The following LRIG2 variants were observed in gnomAD, a reference collection of about 807,000 sequenced individuals.
LRIG2 encodes the protein leucine rich repeats and immunoglobulin like domains 2, also known as leucine-rich repeats and immunoglobulin-like domains protein 2.
In LRIG2, 93 loss-of-function variants were observed where a neutral mutation model predicts 107.8. The observed-to-expected ratio is 0.86, with a 90% confidence interval of 0.73 to 1.03. LRIG2 has a LOEUF of 1.03. LRIG2 is among the 50% of genes least tolerant of loss of function. The pLI is 0.00. For missense variants in LRIG2, 1,226 were observed against 1,296.0 expected (o/e 0.95, Z 0.83); for synonymous variants, 471 against 470.6 (o/e 1.00, Z -0.01).
chr1:113,102,823 T>C (rs1654363079), intron 11 of LRIG2, among the ~76,000 whole-genome samples: 1 of 152,024 alleles, frequency 6.6e-6, no homozygotes, highest in Admixed American at 6.6e-5. Flanking sequence ...TGGCACAGAG[T>C]AGAAGCTGAG....
rs964251462 is a variant in LRIG2, at chr1:113,073,260, T to G, written c.-147T>G. 8 of 699,272 alleles carry G rather than the reference T, an allele frequency of 1.1e-5. No homozygotes were observed. The African/African-American group carries it at 1.2e-4, about 11-fold the overall frequency. 43.3% of individuals were successfully genotyped at this position (699,272 alleles called of 1,614,324 possible). A position where few individuals can be genotyped will look rare whatever the true frequency, so the allele number is the denominator to read the frequency against. On this transcript the variant is annotated 5_prime_UTR_variant, in exon 1 of 18. Transcript: ENST00000361127. ...GTCGACCCCGCTGTCGCGCTGCGTC[T>G]GCTCCTTGCATGCCTTTAGATGGTA...
intron 17 of LRIG2, among the ~76,000 whole-genome samples, chr1:113,120,305 C>G (rs898994017): frequency 1.3e-5 from 2 of 151,456 alleles, no homozygotes; most frequent in African/African-American, 2.4e-5. Context: ...CAAAAATTAG[C>G]CTAACATGGT....
chr1:113,116,291 G>T lies in LRIG2; in HGVS notation c.2535G>T (p.Glu845Asp), dbSNP rs41312692. ...NEDYSITNTEELNLPADIPSY... is the reference protein window; with the variant it reads ...NEDYSITNTEDLNLPADIPSY... ...TTAAAAATGTCTCTTTTACAGAGGA[G>T]CTCAATCTGCCTGCAGACATTCCCA... is the stretch of plus-strand genomic sequence containing the variant. Residue 845 changes from glutamate to aspartate, a missense_variant, in exon 16 of 18, where the codon GAG (glutamate) becomes GAT (aspartate). By Grantham distance (45) the Glu-to-Asp change is conservative. Coordinates refer to ENST00000361127, the MANE Select transcript of LRIG2 (RefSeq NM_014813.3). 3.0e-5 allele frequency: 48 copies of T among 1,611,870 alleles called. No individual in the cohort carries two copies. The highest frequency in any genetic ancestry group is 4.1e-5 in the Non-Finnish European group (48 of 1,178,792).
intron 13 of LRIG2, 47 bp from the exon 14 acceptor site, chr1:113,112,432 T>C: frequency 1.3e-6 from 2 of 1,564,380 alleles, no homozygotes. Flanking sequence ...CATATATGTG[T>C]CTTTGTTCCC....
chr1:113,104,710 C>T (rs544647888), intron 11 of LRIG2, among the ~76,000 whole-genome samples: 1 of 152,098 alleles, frequency 6.6e-6, no homozygotes, highest in East Asian at 1.9e-4. Context: ...AGAGGAGTGA[C>T]CTCATCCAAT....
chr1:113,073,676 A>C, intron 1 of LRIG2, 31 bp downstream of exon 1: 3 of 1,582,690 alleles, frequency 1.9e-6, no homozygotes, highest in Non-Finnish European at 2.6e-6. Context: ...GAGTGACCAA[A>C]AGGAGGGGGA....
At chr1:113,118,513 G>A (rs1655110301) in intron 16 of LRIG2, among the ~76,000 whole-genome samples, 1 of 152,194 alleles carries the variant, frequency 6.6e-6, no homozygotes, top group South Asian at 2.1e-4. Flanking sequence ...CCAAGCATGT[G>A]TCTTGTAGCA....
In LRIG2 at chr1:113,112,726, A is replaced by T. The variant is rs181557221; in HGVS notation, c.2046A>T (p.Gly682=). ...IYSCMAQNTA[G]GLSANASLTV... Reference sequence around the variant, plus strand: ...GCTGCATGGCACAAAATACAGCAGGAGGTCTCTCAGCAAATGCTTCCCTAA... The same window carrying T: ...GCTGCATGGCACAAAATACAGCAGGTGGTCTCTCAGCAAATGCTTCCCTAA... The change falls in exon 14 of 18, where the codon GGA becomes GGT. Residue 682 remains glycine (G), a synonymous_variant. Coordinates refer to ENST00000361127, the MANE Select transcript of LRIG2 (RefSeq NM_014813.3). 1.9e-6 allele frequency: 3 copies of T among 1,607,726 alleles called. No homozygotes were observed. The Admixed American group carries it at 5.0e-5, about 27-fold the overall frequency.
chr1:113,127,569 AT>A lies in LRIG2; in HGVS notation c.*3481del, dbSNP rs59848515. The A allele has an allele frequency of 1.6e-3, 200 of 125,776 alleles. No individual in the cohort carries two copies. Among genetic ancestry groups the A allele is most frequent in the Middle Eastern group, 6.0e-3 (1 of 166 alleles). 7.8% of individuals were successfully genotyped at this position (125,776 alleles called of 1,614,324 possible). On this transcript the variant is annotated 3_prime_UTR_variant, in exon 18 of 18. Transcript: ENST00000361127. ...ACTGTAAAGCCTTGTAGTGGTCCTT[AT>A]TTTTTTTTTTTTGAGACGGAGTCTC...
chr1:113,083,218 CTTTT>C (rs11321902), intron 1 of LRIG2, among the ~76,000 whole-genome samples: 10 of 112,350 alleles, frequency 8.9e-5, no homozygotes, highest in Admixed American at 9.5e-5. Context: ...CTACTGCACA[CTTTT>C]TTTTTTTTTT....
chr1:113,115,967 T>A (rs1382570586), intron 15 of LRIG2, among the ~76,000 whole-genome samples: 1 of 152,242 alleles, frequency 6.6e-6, no homozygotes, highest in Non-Finnish European at 1.5e-5. Context: ...TCAAACTGGA[T>A]CATTGAGGTC....
At chr1:113,075,188 G>A (rs535512542) in intron 1 of LRIG2, among the ~76,000 whole-genome samples, 54 of 151,654 alleles carry the variant, frequency 3.6e-4, no homozygotes, top group Non-Finnish European at 6.9e-4. Context: ...CTCCAGCCTG[G>A]GCAACAAGAG....
chr1:113,093,568 A>G lies in LRIG2; in HGVS notation c.515+4A>G, dbSNP rs199697847. On this transcript the variant is annotated splice_donor_region_variant and intron_variant, in intron 4 of 17. Transcript: ENST00000361127. ...CTCGCATGCAGCTTAAATACCTGTA[A>G]GTAACACAGATTAAATTAGATTTAC... The G allele has an allele frequency of 6.0e-5, 91 of 1,510,266 alleles. No homozygotes were observed. Among genetic ancestry groups the G allele is most frequent in the Non-Finnish European group, 7.6e-5 (85 of 1,115,310 alleles). The allele number at this position is 1,510,266 out of a possible 1,614,324, so 93.6% of individuals were successfully genotyped here. A position where few individuals can be genotyped will look rare whatever the true frequency, so the allele number is the denominator to read the frequency against.
intron 2 of LRIG2, 97 bp from the exon 3 acceptor site, chr1:113,093,107 TGG>T (rs1653896716): frequency 8.8e-6 from 6 of 682,312 alleles, no homozygotes; most frequent in Admixed American, 3.3e-5. Context: ...TTTTCAAATT[TGG>T]CACCTATTCT....
chr1:113,093,677 G>C (rs546176942), intron 4 of LRIG2, 113 bp downstream of exon 4: 1 of 586,198 alleles, frequency 1.7e-6, no homozygotes, highest in East Asian at 4.7e-5. Flanking sequence ...AATGCTAGAT[G>C]ACGAGTTAGT....
intron 11 of LRIG2, chr1:113,103,436 A>G (rs1654388889): frequency 6.6e-6 from 1 of 152,148 alleles, no homozygotes; most frequent in Non-Finnish European, 1.5e-5. Context: ...CTCCTTGGCT[A>G]TACTTGCCCT....
chr1:113,110,077 C>T (rs1654705063), intron 12 of LRIG2, among the ~76,000 whole-genome samples, 165 bp from the exon 13 acceptor site: 2 of 152,180 alleles, frequency 1.3e-5, no homozygotes, highest in Admixed American at 6.5e-5. Context: ...GGCCTCATTT[C>T]CCCCATCTTT....
chr1:113,089,912 C>G (rs1653727063), intron 1 of LRIG2, among the ~76,000 whole-genome samples: 2 of 151,514 alleles, frequency 1.3e-5, no homozygotes, highest in African/African-American at 4.8e-5. Flanking sequence ...CCAGGCTGGT[C>G]TTGAACTCCT....
In LRIG2 at chr1:113,093,518, T is replaced by G. The variant is rs745460093; in HGVS notation, c.469T>G (p.Ser157Ala). Reference sequence around the variant, plus strand: ...TTTAGACCTCAGCTCAAATATAATATCAGAAATCAAGACATCTTCATTTCC... The same window carrying G: ...TTTAGACCTCAGCTCAAATATAATAGCAGAAATCAAGACATCTTCATTTCC... ...ESLDLSSNII[S>A]EIKTSSFPRM... Residue 157 changes from serine to alanine, a missense_variant, in exon 4 of 18, where the codon TCA (serine) becomes GCA (alanine). By Grantham distance (99) the Ser-to-Ala change is moderately conservative (BLOSUM62 1). Coordinates refer to ENST00000361127, the MANE Select transcript of LRIG2 (RefSeq NM_014813.3). The G allele has an allele frequency of 6.2e-7, 1 of 1,611,500 alleles. No individual in the cohort carries two copies.
Sources: gnomAD v4.1 joint callset for allele counts (sites outside exome capture counted in the v4.1 genomes callset) on GRCh38, gnomAD v4.1.1 for gene constraint, MANE v1.5 for transcripts, NCBI Gene and HGNC (gene_info 2026-07-23, HGNC 2026-07-21) for gene names.